SEMA6D: variants seen among roughly 807,000 people sequenced by gnomAD.
The protein encoded by SEMA6D is semaphorin-6D.
SEMA6D carries 35 observed loss-of-function variants against 106.6 expected under a neutral mutation model. The ratio of observed to expected loss-of-function variants is 0.33; its 90% CI spans 0.25 to 0.44. The LOEUF (loss-of-function observed/expected upper bound fraction) is 0.44, where lower values mean the gene tolerates loss of function less well. Ranked by LOEUF, SEMA6D falls within the 20% of genes least tolerant of loss-of-function variation. The pLI, the probability that SEMA6D is intolerant of heterozygous loss-of-function variation, is 1.00. For synonymous variants in SEMA6D, 499 were observed against 487.7 expected, an observed-to-expected ratio of 1.02 and a Z score of -0.31; for missense variants, 1,185 against 1,345.9, an observed-to-expected ratio of 0.88 and a Z score of 1.87.
chr15:47,460,666 A>C (rs570876091), intron 2 of SEMA6D, among the ~76,000 whole-genome samples: 2 of 152,154 alleles, frequency 1.3e-5, no homozygotes, highest in African/African-American at 4.8e-5. Flanking sequence ...TAATATTGTG[A>C]AAGGGGAATG....
At position 47,282,935 on chromosome 15, in the gene SEMA6D, C is replaced by T. The variant is rs7170560; in HGVS notation, c.-239+98517C>T. Among the ~76,000 whole-genome samples the T allele has an allele frequency of 4.5e-3, 679 of 152,242 alleles. 4 individuals are homozygous for T. The highest frequency in any genetic ancestry group is 0.016 in the African/African-American group (663 of 41,544). The stretch of plus-strand genomic sequence containing the variant: ...TCATGCCACTTCTCTGACTGCTGTG[C>T]CCCCTCTCTCCTGCCAGCCAAGCTC... On this transcript the variant is annotated intron_variant, in intron 1 of 19. Coordinates refer to the SEMA6D transcript ENST00000558014.
chr15:47,461,360 G>C (rs2042504229), intron 2 of SEMA6D, among the ~76,000 whole-genome samples: 1 of 151,932 alleles, frequency 6.6e-6, no homozygotes, highest in Admixed American at 6.6e-5. Context: ...ACTCTTGAAT[G>C]TATGCTGCAT....
chr15:47,367,172 G>C (rs1173756120), intron 1 of SEMA6D, among the ~76,000 whole-genome samples: 1 of 152,188 alleles, frequency 6.6e-6, no homozygotes. Context: ...CTGCTACTTA[G>C]TAATTGCACA....
chr15:47,770,174 T>C (rs916279267), intron 18 of SEMA6D, among the ~76,000 whole-genome samples: 5 of 152,214 alleles, frequency 3.3e-5, no homozygotes, highest in African/African-American at 9.6e-5. Flanking sequence ...TTAGAAAATA[T>C]ACACTTCTAA....
At chr15:47,251,978 C>G (rs56096419) in intron 1 of SEMA6D, among the ~76,000 whole-genome samples, 1,828 of 129,478 alleles carry the variant, frequency 0.014, 13 homozygotes, top group Middle Eastern at 0.041. Flanking sequence ...TGCAGTGGCG[C>G]GATCTCGGCT....
chr15:47,672,951 G>A (rs2078166807), intron 4 of SEMA6D, among the ~76,000 whole-genome samples: 1 of 152,142 alleles, frequency 6.6e-6, no homozygotes, highest in Non-Finnish European at 1.5e-5. Flanking sequence ...TTTCAAATGG[G>A]ATTTTTATTG....
chr15:47,254,125 A>C (rs1051539484), intron 1 of SEMA6D, among the ~76,000 whole-genome samples: 3 of 149,888 alleles, frequency 2.0e-5, no homozygotes, highest in African/African-American at 7.4e-5. Flanking sequence ...AATTACTTTT[A>C]TTTCTTTTTA....
At chr15:47,268,368 T>G (rs1362099364) in intron 1 of SEMA6D, among the ~76,000 whole-genome samples, 1 of 152,152 alleles carries the variant, frequency 6.6e-6, no homozygotes, top group Non-Finnish European at 1.5e-5. Flanking sequence ...CTTAATTTCT[T>G]CAGTTTTGTC....
intron 1 of SEMA6D, among the ~76,000 whole-genome samples, chr15:47,353,902 C>T (rs989952222): frequency 2.8e-4 from 43 of 151,918 alleles, no homozygotes; most frequent in African/African-American, 9.4e-4. Context: ...GACTTAGAGA[C>T]GAGATGTGCA....
rs1320331580 is a variant in SEMA6D at position 47,760,208 on chromosome 15, C to A, written c.110-96C>A. The A allele has an allele frequency of 4.9e-6, 4 of 821,168 alleles. No individual in the cohort carries two copies. The African/African-American group carries it at 5.1e-5, about 11-fold the overall frequency. The allele number at this position is 821,168 out of a possible 1,614,324, so 50.9% of individuals were successfully genotyped here. Reference sequence around the variant, plus strand: ...CCTTAAGAGAGGAATTTAGTTAAAACCCTTCTACAACAAGTATATACAGCT... The same window carrying A: ...CCTTAAGAGAGGAATTTAGTTAAAAACCTTCTACAACAAGTATATACAGCT... On this transcript the variant is annotated intron_variant, in intron 2 of 18. Transcript: ENST00000536845.
At position 47,502,717 on chromosome 15, in the gene SEMA6D, C is replaced by T. The variant is rs144441366; in HGVS notation, c.-87+32172C>T. 2.3e-3 allele frequency among the ~76,000 whole-genome samples: 354 copies of T among 152,186 alleles called. 1 individual carries two copies. Among genetic ancestry groups the T allele is most frequent in the African/African-American group, 8.3e-3 (344 of 41,536 alleles). The stretch of plus-strand genomic sequence containing the variant: ...AACTCATTTAGATCATAAAAATGTC[C>T]ACTGGGACATGAAATGTCTCTTGAC... On this transcript the variant is annotated intron_variant, in intron 3 of 19. Transcript: ENST00000558014.
At chr15:47,233,361 A>G (rs1196178817) in intron 1 of SEMA6D, among the ~76,000 whole-genome samples, 1 of 152,052 alleles carries the variant, frequency 6.6e-6, no homozygotes, top group Non-Finnish European at 1.5e-5. Flanking sequence ...TTTGAAATCA[A>G]GAAATGTAAG....
At chr15:47,399,207 A>G (rs1392614486) in intron 1 of SEMA6D, among the ~76,000 whole-genome samples, 1 of 152,224 alleles carries the variant, frequency 6.6e-6, no homozygotes, top group Non-Finnish European at 1.5e-5. Flanking sequence ...ACAGAAAATA[A>G]AAGAGGTTAA....
chr15:47,318,376 C>A (rs2036776963), intron 1 of SEMA6D, among the ~76,000 whole-genome samples: 1 of 132,934 alleles, frequency 7.5e-6, no homozygotes, highest in South Asian at 2.7e-4. Context: ...ACTAACTCGT[C>A]ATCTAGCATT....
At chr15:47,587,301 A>G (rs184060934) in intron 3 of SEMA6D, among the ~76,000 whole-genome samples, 1 of 152,280 alleles carries the variant, frequency 6.6e-6, no homozygotes, top group East Asian at 1.9e-4. Flanking sequence ...TTCCATTCAG[A>G]CAGTCCCTTG....
In SEMA6D at chr15:47,348,718, CCACACACACAGAGAGAGAGAGAG is replaced by C. The variant is rs2038168046; in HGVS notation, c.-238-63674_-238-63652del. On this transcript the variant is annotated intron_variant, in intron 1 of 19. Coordinates refer to the SEMA6D transcript ENST00000558014. Reference sequence around the variant, plus strand: ...ACACACACACACACACACACACACACCACACACACAGAGAGAGAGAGAGAGAGAGAGAGAGAGAGAGAGAGAGA... The same window carrying C: ...ACACACACACACACACACACACACACAGAGAGAGAGAGAGAGAGAGAGAGA... 1.5e-4 allele frequency among the ~76,000 whole-genome samples: 7 copies of C among 48,080 alleles called. No individual in the cohort carries two copies. In the East Asian group the frequency reaches 1.8e-3, roughly 12 times the overall value. The allele number at this position is 48,080 out of a possible 152,430, so 31.5% of individuals were successfully genotyped here. A position where few individuals can be genotyped will look rare whatever the true frequency, so the allele number is the denominator to read the frequency against.
At chr15:47,391,592 C>T (rs536309321) in intron 1 of SEMA6D, among the ~76,000 whole-genome samples, 1 of 151,878 alleles carries the variant, frequency 6.6e-6, no homozygotes, top group East Asian at 1.9e-4. Flanking sequence ...GACCTATCAA[C>T]ACTAAATTGA....
At chr15:47,495,552 G>T (rs1018041976) in intron 3 of SEMA6D, among the ~76,000 whole-genome samples, 1 of 151,808 alleles carries the variant, frequency 6.6e-6, no homozygotes, top group Non-Finnish European at 1.5e-5. Context: ...CGCAAATGTT[G>T]TAGAATTTGG....
chr15:47,457,375 G>T (rs1244460946), intron 2 of SEMA6D, among the ~76,000 whole-genome samples: 1 of 151,582 alleles, frequency 6.6e-6, no homozygotes, highest in East Asian at 1.9e-4. Flanking sequence ...ATCAATATAA[G>T]AAGATTCAGA....
Sources: allele counts gnomAD v4.1 joint callset (sites outside exome capture counted in the v4.1 genomes callset), GRCh38; gene constraint gnomAD v4.1.1; transcripts MANE v1.5; gene names NCBI Gene and HGNC (gene_info 2026-07-23, HGNC 2026-07-21).